SOCS2: variants seen among roughly 807,000 people sequenced by gnomAD.
The protein encoded by SOCS2 is CIS-2.
In SOCS2, 10 loss-of-function variants were observed where a neutral mutation model predicts 18.6. The ratio of observed to expected loss-of-function variants is 0.54; its 90% CI spans 0.33 to 0.91. SOCS2 has a LOEUF of 0.91. SOCS2 is among the 40% of genes least tolerant of loss of function. SOCS2 has a pLI of 0.02. For synonymous variants in SOCS2, 104 were observed against 104.0 expected (o/e 1.00, Z 0.00); for missense variants, 231 against 247.2 (o/e 0.93, Z 0.44).
the SOCS2 span, among the ~76,000 whole-genome samples, chr12:93,614,480 T>TTCCTTTCTTTCTTTCTTTCTTTCC: frequency 7.6e-5 from 2 of 26,152 alleles, no homozygotes; most frequent in African/African-American, 4.4e-4. Flanking sequence ...CCTTCCTTCC[T>TTCCTTTCTTTCTTTCTTTCTTTCC]TTCCTTCCTT....
At chr12:93,620,844 T>C in the SOCS2 span, among the ~76,000 whole-genome samples, 3 of 152,250 alleles carry the variant, frequency 2.0e-5, no homozygotes, top group Non-Finnish European at 4.4e-5. Context: ...ACACTCTATT[T>C]TGTAATTCAT....
At chr12:93,578,828 CTCT>C (rs1243047907), downstream of SOCS2, among the ~76,000 whole-genome samples, 4 of 152,162 alleles carry the variant, frequency 2.6e-5, no homozygotes, top group African/African-American at 9.7e-5. Flanking sequence ...ATTGCCGAGA[CTCT>C]TCTTTGCTTT....
the SOCS2 span, among the ~76,000 whole-genome samples, chr12:93,591,368 G>A: frequency 6.6e-6 from 1 of 152,120 alleles, no homozygotes; most frequent in Non-Finnish European, 1.5e-5. Flanking sequence ...ATATTTCTAG[G>A]AACTAGTTAA....
chr12:93,595,768 C>T, the SOCS2 span, among the ~76,000 whole-genome samples: 5 of 152,130 alleles, frequency 3.3e-5, no homozygotes, highest in African/African-American at 1.2e-4. Flanking sequence ...TTTTGGGAGG[C>T]ATTTAATTTG....
chr12:93,596,987 G>T, the SOCS2 span, among the ~76,000 whole-genome samples: 1 of 152,264 alleles, frequency 6.6e-6, no homozygotes, highest in African/African-American at 2.4e-5. Context: ...TCCTTTAAAA[G>T]AACACATTTT....
the SOCS2 span, among the ~76,000 whole-genome samples, chr12:93,601,691 T>A: frequency 6.6e-6 from 1 of 152,228 alleles, no homozygotes; most frequent in Non-Finnish European, 1.5e-5. Flanking sequence ...ATTTAGATAA[T>A]CTCTTTAAGT....
chr12:93,599,815 G>A, the SOCS2 span, among the ~76,000 whole-genome samples: 5 of 152,302 alleles, frequency 3.3e-5, no homozygotes, highest in South Asian at 8.3e-4. Context: ...ACTGTAAGAT[G>A]ATGTAGCAAG....
In SOCS2 at chr12:93,575,143, A is replaced by G. The variant is rs1954425784; in HGVS notation, c.561A>G (p.Leu187=). The G allele has an allele frequency of 1.3e-6, 2 of 1,568,156 alleles. No individual in the cohort carries two copies. The highest frequency in any genetic ancestry group is 4.1e-5 in the Admixed American group (2 of 48,340). ...AIWGLPLPTR[L]KDYLEEYKFQ... Reference sequence around the variant, plus strand: ...GGGGACTGCCTTTACCAACAAGACTAAAAGATTACTTGGAAGAATATAAAT... The same window carrying G: ...GGGGACTGCCTTTACCAACAAGACTGAAAGATTACTTGGAAGAATATAAAT... Residue 187 remains leucine, a synonymous_variant, in exon 2 of 2, where the codon CTA becomes CTG. Coordinates refer to ENST00000551556, the MANE Select transcript of SOCS2 (RefSeq NM_001270471.2).
chr12:93,600,157 A>T, the SOCS2 span, among the ~76,000 whole-genome samples: 2 of 152,194 alleles, frequency 1.3e-5, no homozygotes, highest in African/African-American at 2.4e-5. Flanking sequence ...TAATAAATGG[A>T]GATAAAGGTA....
chr12:93,614,584 T>C, the SOCS2 span, among the ~76,000 whole-genome samples: 6 of 98,494 alleles, frequency 6.1e-5, no homozygotes, highest in South Asian at 3.3e-4. Flanking sequence ...TCTTTCTTTC[T>C]TTCTTTCTTT....
the SOCS2 span, among the ~76,000 whole-genome samples, chr12:93,609,405 G>A: frequency 2.6e-5 from 4 of 151,360 alleles, no homozygotes; most frequent in African/African-American, 7.3e-5. Context: ...AAATAAATAA[G>A]TAAATAAATA....
chr12:93,615,188 T>C, the SOCS2 span, among the ~76,000 whole-genome samples: 1 of 152,350 alleles, frequency 6.6e-6, no homozygotes, highest in African/African-American at 2.4e-5. Context: ...TGTTCATCAG[T>C]GATCTACTTG....
chr12:93,596,188 T>C, the SOCS2 span, among the ~76,000 whole-genome samples: 1 of 152,346 alleles, frequency 6.6e-6, no homozygotes, highest in South Asian at 2.1e-4. Context: ...AGTTGAGTGC[T>C]TACTCTTGCC....
the SOCS2 span, among the ~76,000 whole-genome samples, chr12:93,613,098 C>T: frequency 6.6e-6 from 1 of 152,146 alleles, no homozygotes; most frequent in African/African-American, 2.4e-5. Flanking sequence ...TGTGTGGAGC[C>T]CTGCAAGAAA....
the SOCS2 span, among the ~76,000 whole-genome samples, chr12:93,602,743 C>G: frequency 6.6e-6 from 1 of 152,124 alleles, no homozygotes; most frequent in Non-Finnish European, 1.5e-5. Context: ...TCTCAGCTCC[C>G]AGGAAAGAAG....
the SOCS2 span, among the ~76,000 whole-genome samples, chr12:93,619,576 T>C: frequency 6.6e-6 from 1 of 152,204 alleles, no homozygotes; most frequent in African/African-American, 2.4e-5. Context: ...GGGCATCATA[T>C]ATAAATAATC....
chr12:93,588,975 G>A, the SOCS2 span, among the ~76,000 whole-genome samples: 1 of 152,150 alleles, frequency 6.6e-6, no homozygotes, highest in Non-Finnish European at 1.5e-5. Context: ...GTAGGGGTAC[G>A]CATAGACCCC....
chr12:93,570,743 C>A (rs1954215519), upstream of SOCS2: 1 of 152,394 alleles, frequency 6.6e-6, no homozygotes, highest in Admixed American at 6.5e-5. Context: ...TGCGCCCGAG[C>A]ACCCCGGGGT....
chr12:93,575,046 C>A lies in SOCS2; in HGVS notation c.464C>A (p.Pro155Gln), dbSNP rs1954418828. The A allele has an allele frequency of 6.2e-7, 1 of 1,613,446 alleles. No individual in the cohort carries two copies. The highest frequency in any genetic ancestry group is 8.5e-7 in the Non-Finnish European group (1 of 1,179,742). The change falls in exon 2 of 2, where the codon CCG (proline) becomes CAG (glutamine). Residue 155 changes from proline (P) to glutamine (Q), a missense_variant. Pro to Gln is a moderately conservative substitution (Grantham distance 76). Coordinates refer to ENST00000551556, the MANE Select transcript of SOCS2 (RefSeq NM_001270471.2). ...NGTVHLYLTK[P>Q]LYTSAPSLQH... The stretch of plus-strand genomic sequence containing the variant: ...ACTGTTCACCTTTATCTGACCAAAC[C>A]GCTCTACACGTCAGCACCATCTCTG...
Sources: allele counts gnomAD v4.1 joint callset (sites outside exome capture counted in the v4.1 genomes callset), GRCh38; gene constraint gnomAD v4.1.1; transcripts MANE v1.5; gene names NCBI Gene and HGNC (gene_info 2026-07-23, HGNC 2026-07-21).